The following SLCO6A1 variants were observed in gnomAD, a reference collection of about 807,000 sequenced individuals.
SLCO6A1 encodes the protein solute carrier organic anion transporter family member 6A1.
Under a neutral mutation model 72.7 loss-of-function variants are expected in SLCO6A1, and 65 were observed. The ratio of observed to expected loss-of-function variants is 0.89; its 90% confidence interval spans 0.73 to 1.10. The LOEUF (loss-of-function observed/expected upper bound fraction) is 1.10. Among genes scored for constraint, SLCO6A1 ranks in the 50% least tolerant of loss-of-function variants. The pLI is 0.00. For synonymous variants in SLCO6A1, 314 were observed against 298.2 expected, an observed-to-expected ratio of 1.05 and a Z score of -0.55; for missense variants, 874 against 872.6, an observed-to-expected ratio of 1.00 and a Z score of -0.02.
chr5:102,445,102 G>T (rs566254240), intron 6 of SLCO6A1, among the ~76,000 whole-genome samples: 1 of 152,124 alleles, frequency 6.6e-6, no homozygotes, highest in Non-Finnish European at 1.5e-5. Flanking sequence ...ATGGATTGCT[G>T]GGTCAAATGG....
At chr5:102,455,360 T>C (rs1580457275) in intron 6 of SLCO6A1, among the ~76,000 whole-genome samples, 1 of 152,022 alleles carries the variant, frequency 6.6e-6, no homozygotes, top group South Asian at 2.1e-4. Flanking sequence ...AGAAATGGCG[T>C]GATAAAATCT....
chr5:102,467,416 A>G (rs967673279), intron 4 of SLCO6A1, among the ~76,000 whole-genome samples: 2 of 151,978 alleles, frequency 1.3e-5, no homozygotes, highest in African/African-American at 4.8e-5. Flanking sequence ...TCTTTAAAAA[A>G]AAAAATAACA....
intron 4 of SLCO6A1, among the ~76,000 whole-genome samples, chr5:102,475,000 G>A (rs182590931): frequency 1.3e-3 from 202 of 152,054 alleles, no homozygotes; most frequent in African/African-American, 3.6e-3. Flanking sequence ...TGGTGCAGTC[G>A]TTATAAAAAA....
rs745784755 is a variant in SLCO6A1, at chr5:102,498,841, A to G, written c.4T>C (p.Phe2Leu). ...CCAGAGTGCCGGGCGACGCCTACGA[A>G]CATGGCTCACCCTGGGCGGCTCCTG... M[F>L]VGVARHSGSQ... The change falls in exon 1 of 14, where the codon TTC becomes CTC. Residue 2 changes from phenylalanine (F) to leucine (L), a missense_variant. Physicochemically the swap from Phe to Leu is conservative, Grantham distance 22 (BLOSUM62 0). Coordinates refer to ENST00000506729, the MANE Select transcript of SLCO6A1 (RefSeq NM_173488.5). 1.2e-5 allele frequency: 20 copies of G among 1,607,180 alleles called. No individual in the cohort carries two copies. In the African/African-American group the frequency reaches 2.5e-4, roughly 20 times the overall value.
chr5:102,400,936 C>A (rs1217091713), intron 9 of SLCO6A1, among the ~76,000 whole-genome samples: 2 of 151,704 alleles, frequency 1.3e-5, no homozygotes, highest in Non-Finnish European at 2.9e-5. Context: ...AATATAGAAA[C>A]CACCATTCCA....
chr5:102,376,141 A>G (rs1264043846), intron 12 of SLCO6A1, among the ~76,000 whole-genome samples: 1 of 152,198 alleles, frequency 6.6e-6, no homozygotes, highest in Admixed American at 6.5e-5. Flanking sequence ...AAAGTGATGT[A>G]ATGCCTTTAA....
Position 102,373,320 on chromosome 5 carries a change from C to T in SLCO6A1, c.*15+17G>A. On this transcript the variant is annotated intron_variant, in intron 13 of 13. Coordinates refer to ENST00000506729, the MANE Select transcript of SLCO6A1 (RefSeq NM_173488.5). ...TATTAATATTTCATTGATAGATTGA[C>T]AATGTGTAATTCTTACACAATGATG... 6.9e-7 allele frequency: 1 copy of T among 1,449,876 alleles called. No individual in the cohort carries two copies. The highest frequency in any genetic ancestry group is 9.1e-7 in the Non-Finnish European group (1 of 1,099,266). The allele number at this position is 1,449,876 out of a possible 1,614,324, so 89.8% of individuals were successfully genotyped here.
intron 4 of SLCO6A1, among the ~76,000 whole-genome samples, chr5:102,472,669 G>C (rs769018625): frequency 4.0e-5 from 6 of 151,890 alleles, no homozygotes; most frequent in Non-Finnish European, 8.8e-5. Context: ...AAAAACCATA[G>C]AGAAAATAAA....
At chr5:102,469,694 T>C (rs1376845060) in intron 4 of SLCO6A1, among the ~76,000 whole-genome samples, 2 of 152,134 alleles carry the variant, frequency 1.3e-5, no homozygotes, top group African/African-American at 2.4e-5. Flanking sequence ...TCCAATACTA[T>C]GTTGAATAGG....
At chr5:102,495,700 A>G (rs62371035) in intron 1 of SLCO6A1, among the ~76,000 whole-genome samples, 5 of 152,194 alleles carry the variant, frequency 3.3e-5, no homozygotes, top group Non-Finnish European at 7.4e-5. Flanking sequence ...ATTGAATAAC[A>G]TACTTTGAAA....
intron 12 of SLCO6A1, among the ~76,000 whole-genome samples, chr5:102,388,053 G>C (rs1490333275): frequency 2.0e-5 from 3 of 152,112 alleles, no homozygotes; most frequent in African/African-American, 4.8e-5. Flanking sequence ...AAAATATGAA[G>C]TGTAGATTTA....
At chr5:102,383,850 A>T (rs977219982) in intron 12 of SLCO6A1, among the ~76,000 whole-genome samples, 23 of 151,796 alleles carry the variant, frequency 1.5e-4, no homozygotes, top group African/African-American at 5.1e-4. Context: ...TTTGATTGCT[A>T]ATTCAACTCT....
rs1750957315 is a variant in SLCO6A1 at position 102,460,280 on chromosome 5, A to G, written c.900-503T>C. On this transcript the variant is annotated intron_variant, in intron 4 of 13. Coordinates refer to ENST00000506729, the MANE Select transcript of SLCO6A1 (RefSeq NM_173488.5). Reference sequence around the variant, plus strand: ...CTTCTAGTCCCTTCTCCGAACTTTCAGATTTAGTGTGAATGTATCCTTCTA... The same window carrying G: ...CTTCTAGTCCCTTCTCCGAACTTTCGGATTTAGTGTGAATGTATCCTTCTA... 2.0e-5 allele frequency among the ~76,000 whole-genome samples: 3 copies of G among 152,052 alleles called. No homozygotes were observed. In the South Asian group the frequency reaches 6.2e-4, roughly 31 times the overall value.
At chr5:102,493,913 G>A (rs1350580733) in intron 1 of SLCO6A1, among the ~76,000 whole-genome samples, 3 of 152,144 alleles carry the variant, frequency 2.0e-5, no homozygotes, top group East Asian at 3.9e-4. Context: ...CAAAATCTTA[G>A]TAACTTTTTT....
intron 7 of SLCO6A1, among the ~76,000 whole-genome samples, chr5:102,421,011 A>G (rs1187916566): frequency 6.6e-6 from 1 of 152,074 alleles, no homozygotes; most frequent in African/African-American, 2.4e-5. Context: ...GAGAAGCAGA[A>G]GGGGCTGGGG....
chr5:102,394,465 T>C (rs1193636168), intron 10 of SLCO6A1, among the ~76,000 whole-genome samples: 3 of 151,932 alleles, frequency 2.0e-5, no homozygotes, highest in South Asian at 2.1e-4. Context: ...TTTATTTCTG[T>C]AAGGTTACCT....
At chr5:102,454,678 T>C (rs1274049352) in intron 6 of SLCO6A1, among the ~76,000 whole-genome samples, 1 of 151,868 alleles carries the variant, frequency 6.6e-6, no homozygotes. Flanking sequence ...TTTTCTTTTC[T>C]GGCAGTAAAC....
chr5:102,437,390 T>C (rs1215827586), intron 7 of SLCO6A1, among the ~76,000 whole-genome samples: 1 of 152,198 alleles, frequency 6.6e-6, no homozygotes, highest in Non-Finnish European at 1.5e-5. Context: ...TAGACCTTGA[T>C]GGCTTAAGGA....
At chr5:102,439,886 G>T (rs531089324) in intron 6 of SLCO6A1, among the ~76,000 whole-genome samples, 14 of 152,228 alleles carry the variant, frequency 9.2e-5, no homozygotes, top group African/African-American at 3.4e-4. Context: ...AGTTATCAAA[G>T]AAATATTTAT....
Sources: allele counts gnomAD v4.1 joint callset (sites outside exome capture counted in the v4.1 genomes callset), GRCh38; gene constraint gnomAD v4.1.1; transcripts MANE v1.5; gene names NCBI Gene and HGNC (gene_info 2026-07-23, HGNC 2026-07-21).